The following MTA3 variants were observed in gnomAD, a reference collection of about 807,000 sequenced individuals.
MTA3 encodes metastasis associated 1 family member 3.
MTA3 carries 34 observed loss-of-function variants against 83.5 expected under a neutral mutation model. The observed-to-expected ratio is 0.41, with a 90% confidence interval of 0.31 to 0.54. The LOEUF is 0.54. MTA3 is among the 20% of genes least tolerant of loss of function. The probability of loss-of-function intolerance (pLI) is 0.33; values close to 1 mark genes in which losing one functional copy is unlikely to be tolerated. For missense variants in MTA3, 761 were observed against 726.4 expected (o/e 1.05, Z -0.55); for synonymous variants, 303 against 252.7 (o/e 1.20, Z -1.89).
chr2:42,525,899 A>G (rs1006452300), intron 2 of MTA3, among the ~76,000 whole-genome samples: 6 of 151,506 alleles, frequency 4.0e-5, no homozygotes, highest in Admixed American at 4.0e-4. Context: ...AGCTCAGGCA[A>G]TCCACCTGCC....
At chr2:42,724,280 AC>A (rs1319990772) in intron 16 of MTA3, among the ~76,000 whole-genome samples, 2 of 104,742 alleles carry the variant, frequency 1.9e-5, no homozygotes, top group East Asian at 3.3e-4. Flanking sequence ...CCTGAAAAAC[AC>A]ACACACACAC....
chr2:42,515,360 A>G (rs1675097528), intron 2 of MTA3, among the ~76,000 whole-genome samples: 2 of 151,578 alleles, frequency 1.3e-5, no homozygotes, highest in South Asian at 2.1e-4. Context: ...TGCCCAGCCT[A>G]TTTTATTTTT....
At chr2:42,564,542 T>C (rs1019804387), upstream of MTA3, among the ~76,000 whole-genome samples, 1 of 152,086 alleles carries the variant, frequency 6.6e-6, no homozygotes, top group African/African-American at 2.4e-5. Context: ...ACCCAGGCCC[T>C]CCTTAGAATA....
intron 10 of MTA3, among the ~76,000 whole-genome samples, chr2:42,697,401 T>A (rs958321930): frequency 1.2e-4 from 18 of 150,090 alleles, no homozygotes; most frequent in East Asian, 1.9e-4. Context: ...AGAGAGAGAG[T>A]GAGAGTGTGT....
In MTA3 at chr2:42,542,747, G is replaced by C. The variant is rs546941312; in HGVS notation, c.-140-27690G>C. ...TTTTTTTGTATTTTTAGTAGAGACA[G>C]GGCTTCACCATGTTGGCCAGGCTGG... On this transcript the variant is annotated intron_variant, in intron 2 of 17. Coordinates refer to the MTA3 transcript ENST00000405592. Among the ~76,000 whole-genome samples the C allele has an allele frequency of 3.6e-4, 54 of 151,852 alleles. No homozygotes were observed. The South Asian group carries it at 5.8e-3, about 16-fold the overall frequency.
chr2:42,610,942 C>CTA (rs1486917148), intron 4 of MTA3, among the ~76,000 whole-genome samples: 2 of 151,246 alleles, frequency 1.3e-5, no homozygotes, highest in South Asian at 2.1e-4. Context: ...TCCTTAAAAA[C>CTA]TATATATATA....
chr2:42,558,949 G>A (rs1306723429), intron 2 of MTA3, among the ~76,000 whole-genome samples: 6 of 151,902 alleles, frequency 3.9e-5, no homozygotes, highest in African/African-American at 1.5e-4. Flanking sequence ...AGTTCCCCTG[G>A]AGCAGCTAGA....
chr2:42,678,452 C>T (rs1691579433), intron 8 of MTA3, among the ~76,000 whole-genome samples: 1 of 152,102 alleles, frequency 6.6e-6, no homozygotes, highest in African/African-American at 2.4e-5. Flanking sequence ...ATTCTCCTGC[C>T]TCAGCCTCTT....
chr2:42,628,108 G>A (rs1218576622), intron 4 of MTA3, among the ~76,000 whole-genome samples: 2 of 151,910 alleles, frequency 1.3e-5, no homozygotes, highest in South Asian at 2.1e-4. Flanking sequence ...GGTCTTGAAC[G>A]CCTGACTTTG....
At chr2:42,568,606 C>CCCCTCCCTT (rs1191702734), upstream of MTA3, 436 of 177,248 alleles carry the variant, frequency 2.5e-3, 4 homozygotes, top group African/African-American at 0.01. Flanking sequence ...CACCCCCTGT[C>CCCCTCCCTT]CCCTCCCTTC....
At chr2:42,739,748 C>G (rs6747869) in intron 16 of MTA3, among the ~76,000 whole-genome samples, 1,799 of 150,944 alleles carry the variant, frequency 0.012, 34 homozygotes, top group African/African-American at 0.042. Context: ...GCTTTACCAA[C>G]TAAGTTTATG....
intron 16 of MTA3, among the ~76,000 whole-genome samples, chr2:42,729,717 A>G (rs1668116044): frequency 6.6e-6 from 1 of 152,196 alleles, no homozygotes; most frequent in African/African-American, 2.4e-5. Flanking sequence ...ATTTGAAGTC[A>G]GATGAAGTGA....
chr2:42,678,565 G>A (rs1691589598), intron 8 of MTA3, among the ~76,000 whole-genome samples: 1 of 152,152 alleles, frequency 6.6e-6, no homozygotes, highest in Non-Finnish European at 1.5e-5. Flanking sequence ...CTGACCTCAA[G>A]TGATCCGCCT....
At chr2:42,685,085 G>A (rs1346798660) in intron 9 of MTA3, among the ~76,000 whole-genome samples, 1 of 152,186 alleles carries the variant, frequency 6.6e-6, no homozygotes, top group African/African-American at 2.4e-5. Context: ...GAAACTTACA[G>A]CACTCCTAGG....
At chr2:42,522,730 C>T (rs1172928363) in intron 2 of MTA3, among the ~76,000 whole-genome samples, 1 of 150,978 alleles carries the variant, frequency 6.6e-6, no homozygotes, top group African/African-American at 2.4e-5. Context: ...GAGAGAGAGA[C>T]CCTGTCTCAG....
intron 2 of MTA3, among the ~76,000 whole-genome samples, chr2:42,507,607 A>G (rs1572894947): frequency 6.6e-6 from 1 of 151,718 alleles, no homozygotes; most frequent in Non-Finnish European, 1.5e-5. Flanking sequence ...TAACTGTGTG[A>G]AAAGATTATG....
chr2:42,709,203 T>C, intron 14 of MTA3, 107 bp downstream of exon 14: 1 of 1,469,186 alleles, frequency 6.8e-7, no homozygotes, highest in South Asian at 1.5e-5. Flanking sequence ...AAACATAAGT[T>C]CTTGTGTACA....
At chr2:42,732,104 G>A (rs546912798) in intron 16 of MTA3, among the ~76,000 whole-genome samples, 1 of 152,118 alleles carries the variant, frequency 6.6e-6, no homozygotes, top group East Asian at 1.9e-4. Context: ...GAGGACGGTG[G>A]CCCTCTTCTC....
At chr2:42,691,313 T>C (rs1021892469) in intron 9 of MTA3, among the ~76,000 whole-genome samples, 1 of 152,286 alleles carries the variant, frequency 6.6e-6, no homozygotes, top group African/African-American at 2.4e-5. Context: ...CCGCGGCCTA[T>C]GAAATACTTT....
Sources: gnomAD v4.1 joint callset for allele counts (sites outside exome capture counted in the v4.1 genomes callset) on GRCh38, gnomAD v4.1.1 for gene constraint, MANE v1.5 for transcripts, NCBI Gene and HGNC (gene_info 2026-07-23, HGNC 2026-07-21) for gene names.